The following DGKB variants were observed in gnomAD, a reference collection of about 807,000 sequenced individuals.
The protein encoded by DGKB is diacylglycerol kinase beta.
DGKB carries 67 observed loss-of-function variants against 114.3 expected under a neutral mutation model. The observed-to-expected ratio is 0.59, with a 90% confidence interval of 0.48 to 0.72. The LOEUF (loss-of-function observed/expected upper bound fraction) is 0.72. Among genes scored for constraint, DGKB ranks in the 30% least tolerant of loss-of-function variants. DGKB has a pLI of 0.00. For synonymous variants in DGKB, 398 were observed against 323.1 expected, an observed-to-expected ratio of 1.23 and a Z score of -2.49; for missense variants, 907 against 975.2, an observed-to-expected ratio of 0.93 and a Z score of 0.93.
At chr7:14,740,629 A>C (rs1832444502) in intron 4 of DGKB, among the ~76,000 whole-genome samples, 1 of 152,152 alleles carries the variant, frequency 6.6e-6, no homozygotes, top group Non-Finnish European at 1.5e-5. Context: ...AAAGGCAAAC[A>C]CCACAGATGA....
chr7:14,775,031 AT>A (rs1401761442), intron 2 of DGKB, among the ~76,000 whole-genome samples: 1 of 152,068 alleles, frequency 6.6e-6, no homozygotes, highest in Non-Finnish European at 1.5e-5. Flanking sequence ...ACCTTCCATG[AT>A]TTTTCTACCT....
intron 2 of DGKB, among the ~76,000 whole-genome samples, chr7:14,776,913 A>T (rs763844944): frequency 1.3e-5 from 2 of 152,164 alleles, no homozygotes; most frequent in Non-Finnish European, 2.9e-5. Flanking sequence ...CAGACACTCA[A>T]TGCTAGCTAT....
At chr7:14,815,368 T>A (rs1385738406) in intron 2 of DGKB, 1 of 152,204 alleles carries the variant, frequency 6.6e-6, no homozygotes, top group African/African-American at 2.4e-5. Context: ...TTACAGCAGG[T>A]CTCCCTGTTG....
intron 23 of DGKB, among the ~76,000 whole-genome samples, chr7:14,304,292 T>C (rs531603218): frequency 2.2e-4 from 33 of 152,262 alleles, no homozygotes; most frequent in Admixed American, 1.8e-3. Flanking sequence ...AGTTCCACAT[T>C]TGGCATCATT....
At chr7:14,800,403 G>C (rs1392815880) in intron 2 of DGKB, among the ~76,000 whole-genome samples, 2 of 152,146 alleles carry the variant, frequency 1.3e-5, no homozygotes, top group Non-Finnish European at 2.9e-5. Flanking sequence ...CCTTAATCTG[G>C]TGGGTAAAAT....
At chr7:14,868,642 C>G (rs1345625216) in intron 1 of DGKB, among the ~76,000 whole-genome samples, 1 of 152,098 alleles carries the variant, frequency 6.6e-6, no homozygotes, top group Non-Finnish European at 1.5e-5. Flanking sequence ...CTCACTTCTT[C>G]CCTTTAACTC....
chr7:14,747,207 T>TC lies in DGKB; in HGVS notation c.168+6720dup, dbSNP rs59638012. On this transcript the variant is annotated intron_variant, in intron 4 of 25. Coordinates refer to ENST00000402815, the MANE Select transcript of DGKB (RefSeq NM_001350709.2). ...AAACCTCTTTTTTTTTTTTTTTTTT[T>TC]CCTAAGAGAAGGTCTCTCTCTGTTG... is the stretch of plus-strand genomic sequence containing the variant. Among the ~76,000 whole-genome samples the TC allele has an allele frequency of 9.0e-4, 126 of 139,882 alleles. 1 individual carries two copies. Among genetic ancestry groups the TC allele is most frequent in the African/African-American group, 3.3e-3 (113 of 34,726 alleles). 91.8% of individuals were successfully genotyped at this position (139,882 alleles called of 152,430 possible).
At chr7:14,547,488 A>G (rs1794469737) in intron 20 of DGKB, among the ~76,000 whole-genome samples, 1 of 152,174 alleles carries the variant, frequency 6.6e-6, no homozygotes, top group Non-Finnish European at 1.5e-5. Flanking sequence ...TACCTTACAT[A>G]TATAATGAAT....
intron 2 of DGKB, among the ~76,000 whole-genome samples, chr7:14,760,345 C>A (rs10081218): frequency 0.36 from 54,140 of 151,902 alleles, 13,377 homozygotes; most frequent in African/African-American, 0.69. Flanking sequence ...GAAACAATAG[C>A]ATTGCAATAA....
At chr7:14,849,403 T>A (rs538232116) in intron 1 of DGKB, among the ~76,000 whole-genome samples, 26 of 152,220 alleles carry the variant, frequency 1.7e-4, no homozygotes, top group African/African-American at 5.5e-4. Flanking sequence ...GGTTTCACCC[T>A]TCTAGATGGG....
intron 2 of DGKB, among the ~76,000 whole-genome samples, chr7:14,800,779 T>C (rs56141933): frequency 0.16 from 24,957 of 152,004 alleles, 2,146 homozygotes; most frequent in East Asian, 0.24. Flanking sequence ...AGGCAAAGAA[T>C]TGAGTTACAA....
chr7:14,907,263 A>G (rs1783758405), upstream of DGKB, among the ~76,000 whole-genome samples: 1 of 152,188 alleles, frequency 6.6e-6, no homozygotes, highest in South Asian at 2.1e-4. Flanking sequence ...AAACTAACAA[A>G]ATAGATCACC....
intron 21 of DGKB, among the ~76,000 whole-genome samples, chr7:14,390,261 C>G (rs186089944): frequency 1.3e-5 from 2 of 152,228 alleles, no homozygotes; most frequent in East Asian, 3.9e-4. Flanking sequence ...TCAGAACTTT[C>G]CTGATGTAGC....
chr7:14,166,033 C>G (rs573659043), intron 25 of DGKB, among the ~76,000 whole-genome samples: 38 of 152,308 alleles, frequency 2.5e-4, no homozygotes, highest in African/African-American at 8.9e-4. Context: ...AGTCCCGGTT[C>G]TATAACTCTT....
chr7:14,491,230 C>T (rs1784555635), intron 20 of DGKB, among the ~76,000 whole-genome samples: 1 of 151,830 alleles, frequency 6.6e-6, no homozygotes, highest in African/African-American at 2.4e-5. Flanking sequence ...GGGCTTTTTC[C>T]CCTATATTGT....
intron 12 of DGKB, among the ~76,000 whole-genome samples, chr7:14,677,230 A>T (rs1255423476): frequency 6.6e-6 from 1 of 151,950 alleles, no homozygotes; most frequent in Non-Finnish European, 1.5e-5. Flanking sequence ...CTGGTCAGAG[A>T]AGAAAATGGG....
At chr7:14,315,191 A>C (rs1806236543) in intron 23 of DGKB, among the ~76,000 whole-genome samples, 1 of 141,960 alleles carries the variant, frequency 7.0e-6, no homozygotes, top group African/African-American at 2.5e-5. Context: ...CCAAAATGTA[A>C]AGACCGTCGA....
chr7:14,382,879 C>A (rs1344170981), intron 21 of DGKB, among the ~76,000 whole-genome samples: 2 of 152,048 alleles, frequency 1.3e-5, no homozygotes, highest in Non-Finnish European at 1.5e-5. Flanking sequence ...GCCCAGTGGG[C>A]AGCAACAGTG....
At position 14,145,119 on chromosome 7, in the gene DGKB, A is replaced by C. The variant is rs1350144498; in HGVS notation, c.*4012T>G. 6 of 152,158 alleles carry C rather than the reference A, an allele frequency of 3.9e-5. No homozygotes were observed. Among genetic ancestry groups the C allele is most frequent in the Non-Finnish European group, 1.5e-5 (1 of 68,018 alleles). The allele number at this position is 152,158 out of a possible 1,614,324, so 9.4% of individuals were successfully genotyped here. A position where few individuals can be genotyped will look rare whatever the true frequency, so the allele number is the denominator to read the frequency against. ...TCATTTCTGAGAAAATAATTAAGGT[A>C]CTATAATTAAGTTCCATGTTTTTAA... is the stretch of plus-strand genomic sequence containing the variant. On this transcript the variant is annotated 3_prime_UTR_variant, in exon 26 of 26. Coordinates refer to ENST00000402815, the MANE Select transcript of DGKB (RefSeq NM_001350709.2).
Sources: gnomAD v4.1 joint callset for allele counts (sites outside exome capture counted in the v4.1 genomes callset) on GRCh38, gnomAD v4.1.1 for gene constraint, MANE v1.5 for transcripts, NCBI Gene and HGNC (gene_info 2026-07-23, HGNC 2026-07-21) for gene names.